UNC5B: variants seen among roughly 807,000 people sequenced by gnomAD.
UNC5B encodes the protein unc-5 netrin receptor B, also known as netrin receptor UNC5B.
UNC5B carries 56 observed loss-of-function variants against 103.7 expected under a neutral mutation model. The observed-to-expected ratio is 0.54, with a 90% CI of 0.44 to 0.67. UNC5B has a LOEUF of 0.67. Ranked by LOEUF, UNC5B falls within the 30% of genes least tolerant of loss-of-function variation. The probability of loss-of-function intolerance (pLI) is 0.00; values close to 1 mark genes in which losing one functional copy is unlikely to be tolerated. For synonymous variants in UNC5B, 577 were observed against 542.0 expected (o/e 1.06, Z -0.90); for missense variants, 1,194 against 1,284.5 (o/e 0.93, Z 1.08).
At position 71,291,029 on chromosome 10, in the gene UNC5B, A is replaced by G; in HGVS notation, c.1214A>G (p.Asp405Gly). ...GVVVYRRNCR[D>G]FDTDITDSSA... ...GTGGTGTACCGCCGCAACTGCCGTG[A>G]CTTCGACACAGACATCACTGACTCA... Residue 405 changes from aspartate (D) to glycine (G), a missense_variant, in exon 9 of 17, where the codon GAC becomes GGC. Physicochemically the swap from Asp to Gly is moderately conservative, Grantham distance 94. Coordinates refer to ENST00000335350, the MANE Select transcript of UNC5B (RefSeq NM_170744.5). The G allele has an allele frequency of 6.2e-7, 1 of 1,614,030 alleles. No individual in the cohort carries two copies. Among genetic ancestry groups the G allele is most frequent in the South Asian group, 1.1e-5 (1 of 91,062 alleles).
intron 1 of UNC5B, among the ~76,000 whole-genome samples, chr10:71,222,524 A>AAC (rs1554859373): frequency 3.3e-5 from 5 of 151,750 alleles, no homozygotes; most frequent in African/African-American, 1.2e-4. Flanking sequence ...CCCCTCCTCC[A>AAC]CCCCCCGATT....
At chr10:71,233,866 A>C (rs1843726876) in intron 1 of UNC5B, among the ~76,000 whole-genome samples, 1 of 152,346 alleles carries the variant, frequency 6.6e-6, no homozygotes, top group African/African-American at 2.4e-5. Context: ...CAACTCCTGC[A>C]GGAGGCCAGC....
intron 1 of UNC5B, among the ~76,000 whole-genome samples, chr10:71,240,545 G>C (rs375099395): frequency 6.6e-6 from 1 of 152,170 alleles, no homozygotes; most frequent in African/African-American, 2.4e-5. Flanking sequence ...CCCATCCCTC[G>C]CCCTGTCTTC....
intron 1 of UNC5B, among the ~76,000 whole-genome samples, chr10:71,260,065 G>C (rs561094901): frequency 6.6e-6 from 1 of 152,218 alleles, no homozygotes; most frequent in African/African-American, 2.4e-5. Flanking sequence ...GAGAGGTAGG[G>C]GGGGCATGAA....
chr10:71,213,420 A>G lies in UNC5B; in HGVS notation c.79+356A>G, dbSNP rs1381161769. On this transcript the variant is annotated intron_variant, in intron 1 of 16. Transcript: ENST00000335350. This position sits in a 1 kb window ranked among gnomAD's most constrained non-coding sequence, Gnocchi z 4.1. ...CCTGGCATCCGCCCCGAAAAAGAACATTGGCTACATAAGCAAGGTGTGCGC... is the reference window on the plus strand; with the variant it reads ...CCTGGCATCCGCCCCGAAAAAGAACGTTGGCTACATAAGCAAGGTGTGCGC... Among the ~76,000 whole-genome samples the G allele has an allele frequency of 6.6e-6, 1 of 152,106 alleles. No individual in the cohort carries two copies. Among genetic ancestry groups the G allele is most frequent in the African/African-American group, 2.4e-5 (1 of 41,436 alleles).
intron 1 of UNC5B, among the ~76,000 whole-genome samples, chr10:71,224,371 A>G (rs928156866): frequency 0.028 from 2,846 of 101,630 alleles, 126 homozygotes; most frequent in East Asian, 0.076. Context: ...GTAGACACAC[A>G]CACACACACA....
chr10:71,245,097 C>T (rs141971901), intron 1 of UNC5B, among the ~76,000 whole-genome samples: 19 of 152,364 alleles, frequency 1.2e-4, no homozygotes, highest in African/African-American at 3.8e-4. Flanking sequence ...CTATTGTCCC[C>T]GGGCTCCCTT....
chr10:71,215,014 G>A lies in UNC5B; in HGVS notation c.79+1950G>A, dbSNP rs572156888. On this transcript the variant is annotated intron_variant, in intron 1 of 16. Coordinates refer to ENST00000335350, the MANE Select transcript of UNC5B (RefSeq NM_170744.5). ...AGCCTGGAGAGGGGCCAACTGGTGG[G>A]GTCGGCCTGCAGCCTTCTCATTGCC... 2.0e-5 allele frequency among the ~76,000 whole-genome samples: 3 copies of A among 152,344 alleles called. No homozygotes were observed. In the East Asian group the frequency reaches 5.8e-4, roughly 29 times the overall value.
intron 7 of UNC5B, 63 bp from the exon 8 acceptor site, chr10:71,288,895 C>T: frequency 6.3e-7 from 1 of 1,592,434 alleles, no homozygotes. Flanking sequence ...CTTCCCATTG[C>T]CTTCTCTGCC....
chr10:71,247,778 A>G (rs1270779888), intron 1 of UNC5B, among the ~76,000 whole-genome samples: 3 of 152,236 alleles, frequency 2.0e-5, no homozygotes. Flanking sequence ...TATAGAAATC[A>G]GACCGGGGGC....
At chr10:71,229,579 G>A (rs1052683161) in intron 1 of UNC5B, among the ~76,000 whole-genome samples, 3 of 152,170 alleles carry the variant, frequency 2.0e-5, no homozygotes, top group African/African-American at 4.8e-5. Context: ...TTCCCATCAC[G>A]GCCCACTGGA....
chr10:71,284,878 C>G lies in UNC5B; in HGVS notation c.448+15C>G. 2 of 1,578,560 alleles carry G rather than the reference C, an allele frequency of 1.3e-6. No individual in the cohort carries two copies. Among genetic ancestry groups the G allele is most frequent in the Non-Finnish European group, 1.7e-6 (2 of 1,163,246 alleles). ...CCGCATCGCCTGTACGCCACCCTGACCCCCACCCTGTCCCTGCAGGAACCT... is the reference window on the plus strand; with the variant it reads ...CCGCATCGCCTGTACGCCACCCTGAGCCCCACCCTGTCCCTGCAGGAACCT... On this transcript the variant is annotated intron_variant, in intron 3 of 16. Transcript: ENST00000335350.
chr10:71,225,640 C>T (rs540601015), intron 1 of UNC5B, among the ~76,000 whole-genome samples: 4 of 152,338 alleles, frequency 2.6e-5, no homozygotes, highest in South Asian at 2.1e-4. Context: ...TCTTAGAAAA[C>T]GGGGCAGGCA....
intron 1 of UNC5B, among the ~76,000 whole-genome samples, chr10:71,235,159 C>A (rs548818409): frequency 1.3e-5 from 2 of 152,320 alleles, no homozygotes; most frequent in South Asian, 4.1e-4. Flanking sequence ...TCCTGTCTGG[C>A]GCCGGAGTGC....
rs190510395 is a variant in UNC5B, at chr10:71,266,279, G to A, written c.80-13542G>A. Among the ~76,000 whole-genome samples the A allele has an allele frequency of 4.6e-5, 7 of 152,058 alleles. No homozygotes were observed. In the East Asian group the frequency reaches 7.8e-4, roughly 17 times the overall value. On this transcript the variant is annotated intron_variant, in intron 1 of 16. Transcript: ENST00000335350. ...AAGCAGGTCCCACGCACTCCAGAGC[G>A]CCTTCTCCTTGGCTAACCTCCTGCA... is the stretch of plus-strand genomic sequence containing the variant.
At chr10:71,249,965 A>C (rs1589165414) in intron 1 of UNC5B, among the ~76,000 whole-genome samples, 1 of 152,236 alleles carries the variant, frequency 6.6e-6, no homozygotes, top group East Asian at 1.9e-4. Context: ...CCCCAAGCAT[A>C]TGTTTAGGCT....
At chr10:71,295,769 C>T in intron 13 of UNC5B, 42 bp from the exon 14 acceptor site, 1 of 1,596,512 alleles carries the variant, frequency 6.3e-7, no homozygotes. Context: ...GCCCATTGGC[C>T]AGGTGTGATG....
chr10:71,222,671 G>A (rs1384815004), intron 1 of UNC5B, among the ~76,000 whole-genome samples: 1 of 152,194 alleles, frequency 6.6e-6, no homozygotes, highest in Non-Finnish European at 1.5e-5. Flanking sequence ...AGAGGGGCAG[G>A]AAGAGAGAGG....
At position 71,293,694 on chromosome 10, in the gene UNC5B, C is replaced by T. The variant is rs769126485; in HGVS notation, c.1942-6C>T. On this transcript the variant is annotated splice_region_variant and splice_polypyrimidine_tract_variant and intron_variant, in intron 12 of 16. Transcript: ENST00000335350. Reference sequence around the variant, plus strand: ...ACCACTACCCCACCCTTGCTGTCCCCTACAGGAGGTGGTGACCCTGGATGA... The same window carrying T: ...ACCACTACCCCACCCTTGCTGTCCCTTACAGGAGGTGGTGACCCTGGATGA... 7 of 1,593,984 alleles carry T rather than the reference C, an allele frequency of 4.4e-6. No homozygotes were observed. In the Admixed American group the frequency reaches 1.1e-4, roughly 24 times the overall value.
Sources: allele counts gnomAD v4.1 joint callset (sites outside exome capture counted in the v4.1 genomes callset), GRCh38; gene constraint gnomAD v4.1.1; non-coding constraint Gnocchi (gnomAD v3.1); transcripts MANE v1.5; gene names NCBI Gene and HGNC (gene_info 2026-07-23, HGNC 2026-07-21).